Variants in LRBA observed in about 807,000 individuals in gnomAD.
The protein encoded by LRBA is LPS responsive beige-like anchor protein, also known as lipopolysaccharide-responsive and beige-like anchor protein.
In LRBA, 176 loss-of-function variants were observed where a neutral mutation model predicts 330.0. That is an observed-to-expected ratio of 0.53 (90% CI 0.47 to 0.60). LRBA has a LOEUF of 0.60. Ranked by LOEUF, LRBA falls within the 20% of genes least tolerant of loss-of-function variation. The pLI, the probability that LRBA is intolerant of heterozygous loss-of-function variation, is 0.00. For synonymous variants in LRBA, 1,230 were observed against 1,193.0 expected (o/e 1.03, Z -0.64); for missense variants, 3,259 against 3,444.8 (o/e 0.95, Z 1.35).
chr4:150,825,847 A>G (rs1305225149), intron 30 of LRBA, among the ~76,000 whole-genome samples: 1 of 152,192 alleles, frequency 6.6e-6, no homozygotes, highest in Non-Finnish European at 1.5e-5. Context: ...CTTGATATGT[A>G]CTGTAGATTG....
chr4:150,828,466 C>T lies in LRBA; in HGVS notation c.4885G>A (p.Gly1629Ser). The change falls in exon 30 of 57, where the codon GGT becomes AGT. Residue 1629 changes from glycine (G) to serine (S), a missense_variant. Gly to Ser is a moderately conservative substitution (Grantham distance 56). Coordinates refer to ENST00000651943, the MANE Select transcript of LRBA (RefSeq NM_001364905.1). The part of the protein sequence containing the change: ...VEVTPHTAPP[G>S]VSAGPDAISE... ...ATTGCATCTGGGCCTGCACTGACAC[C>T]AGGAGGTGCTGTGTGAGGAGTTACT... 6.2e-7 allele frequency: 1 copy of T among 1,614,106 alleles called. No homozygotes were observed. Among genetic ancestry groups the T allele is most frequent in the Non-Finnish European group, 8.5e-7 (1 of 1,179,992 alleles).
intron 34 of LRBA, among the ~76,000 whole-genome samples, chr4:150,786,236 C>T (rs1739033695): frequency 6.7e-6 from 1 of 149,838 alleles, no homozygotes. Context: ...TCTTTTAAGA[C>T]TTTTGCATTT....
At chr4:150,498,564 A>G (rs1759858922) in intron 40 of LRBA, among the ~76,000 whole-genome samples, 1 of 152,224 alleles carries the variant, frequency 6.6e-6, no homozygotes, top group African/African-American at 2.4e-5. Flanking sequence ...ATAGCAAGGA[A>G]CATGAATATA....
At chr4:151,008,988 A>AAAAAAAAAT (rs1554018903) in intron 2 of LRBA, among the ~76,000 whole-genome samples, 1 of 5,524 alleles carries the variant, frequency 1.8e-4, no homozygotes, top group African/African-American at 4.7e-4. Flanking sequence ...AAAAAAAAAA[A>AAAAAAAAAT]ATATATATAT....
At chr4:150,422,983 A>G (rs1749032732) in intron 46 of LRBA, 1 of 781,168 alleles carries the variant, frequency 1.3e-6, no homozygotes, top group Non-Finnish European at 2.4e-6. Context: ...TTTCTGGTCC[A>G]ATGGTGTATA....
chr4:150,499,322 C>T (rs1201250258), intron 40 of LRBA, among the ~76,000 whole-genome samples: 2 of 152,070 alleles, frequency 1.3e-5, no homozygotes, highest in Non-Finnish European at 2.9e-5. Context: ...CAATAACATG[C>T]TATTGTTGCT....
chr4:150,409,097 A>G (rs1454125777), intron 47 of LRBA, among the ~76,000 whole-genome samples: 2 of 152,052 alleles, frequency 1.3e-5, no homozygotes, highest in Admixed American at 1.3e-4. Context: ...GAGTAGGGTG[A>G]GTCCTTAATC....
intron 41 of LRBA, among the ~76,000 whole-genome samples, chr4:150,489,113 C>CATATATAATATATAAGAATATATA (rs1455077509): frequency 0.47 from 18,643 of 40,076 alleles, 3,040 homozygotes; most frequent in Non-Finnish European, 0.55. Context: ...TATTATATAT[C>CATATATAATATATAAGAATATATA]ATATATAATA....
intron 42 of LRBA, among the ~76,000 whole-genome samples, chr4:150,485,032 T>G (rs567693729): frequency 6.6e-6 from 1 of 152,122 alleles, no homozygotes; most frequent in Admixed American, 6.6e-5. Flanking sequence ...TTTTGAGACT[T>G]ATTTTAGGGC....
intron 2 of LRBA, among the ~76,000 whole-genome samples, chr4:150,933,794 T>C (rs1029668553): frequency 6.6e-6 from 1 of 151,894 alleles, no homozygotes; most frequent in African/African-American, 2.4e-5. Context: ...GCAGATCAGT[T>C]GCACTCAGAG....
intron 36 of LRBA, among the ~76,000 whole-genome samples, chr4:150,723,395 G>A (rs755835539): frequency 2.0e-5 from 3 of 152,184 alleles, no homozygotes. Context: ...ACCAGGCAGA[G>A]TCATGAGGCC....
intron 44 of LRBA, among the ~76,000 whole-genome samples, chr4:150,459,488 G>A (rs992431621): frequency 1.3e-5 from 2 of 151,934 alleles, no homozygotes; most frequent in Non-Finnish European, 2.9e-5. Flanking sequence ...CTTGGAAAAT[G>A]TGTGACCTCC....
chr4:150,857,556 A>G (rs1039825766), intron 22 of LRBA, among the ~76,000 whole-genome samples: 4 of 152,170 alleles, frequency 2.6e-5, no homozygotes, highest in South Asian at 2.1e-4. Flanking sequence ...AATATCTACT[A>G]AAAACTTTTT....
intron 34 of LRBA, among the ~76,000 whole-genome samples, chr4:150,772,784 T>C (rs1228522419): frequency 6.6e-6 from 1 of 152,176 alleles, no homozygotes; most frequent in African/African-American, 2.4e-5. Context: ...GCCTATGGCT[T>C]GCACAGCAGC....
chr4:150,824,309 T>A (rs2126795436), intron 30 of LRBA, among the ~76,000 whole-genome samples: 1 of 152,314 alleles, frequency 6.6e-6, no homozygotes, highest in Middle Eastern at 3.4e-3. Context: ...TTATAATAGT[T>A]TTTTATGGAC....
At position 150,467,758 on chromosome 4, in the gene LRBA, T is replaced by C. The variant is rs1755618513; in HGVS notation, c.6695A>G (p.Tyr2232Cys). 1 of 1,598,092 alleles carries C rather than the reference T, an allele frequency of 6.3e-7. No individual in the cohort carries two copies. The highest frequency in any genetic ancestry group is 1.3e-5 in the African/African-American group (1 of 74,520). The change falls in exon 44 of 57, where the codon TAT becomes TGT. Residue 2232 changes from tyrosine (Y) to cysteine (C), a missense_variant. Transcript: ENST00000651943. ...AGRSYNDLNQ[Y>C]PVFPWVITNY... Reference sequence around the variant, plus strand: ...AGTGATGACCCAAGGAAACACTGGATACTGATTTAAGTCATTATAACTCCG... The same window carrying C: ...AGTGATGACCCAAGGAAACACTGGACACTGATTTAAGTCATTATAACTCCG...
chr4:150,798,179 G>C (rs1741080803), intron 33 of LRBA, 37 bp from the exon 34 acceptor site: 1 of 1,299,950 alleles, frequency 7.7e-7, no homozygotes, highest in Non-Finnish European at 1.1e-6. Context: ...AAGTTATAAA[G>C]AAAACAAATG....
intron 36 of LRBA, among the ~76,000 whole-genome samples, chr4:150,711,237 A>ATTT (rs111721711): frequency 7.0e-6 from 1 of 143,114 alleles, no homozygotes; most frequent in Non-Finnish European, 1.5e-5. Flanking sequence ...TAAGAAGTTA[A>ATTT]TTTTTTTTTT....
At chr4:150,566,449 G>C (rs1302135741) in intron 40 of LRBA, among the ~76,000 whole-genome samples, 1 of 151,906 alleles carries the variant, frequency 6.6e-6, no homozygotes, top group African/African-American at 2.4e-5. Context: ...ATTCATGAAT[G>C]AATAAAATAG....
Sources: gnomAD v4.1 joint callset for allele counts (sites outside exome capture counted in the v4.1 genomes callset) on GRCh38, gnomAD v4.1.1 for gene constraint, MANE v1.5 for transcripts, NCBI Gene and HGNC (gene_info 2026-07-23, HGNC 2026-07-21) for gene names.